The following TBC1D9 variants were observed in gnomAD, a reference collection of about 807,000 sequenced individuals.
TBC1D9 encodes the protein TBC1 domain family member 9.
Under a neutral mutation model 132.0 loss-of-function variants are expected in TBC1D9, and 63 were observed. That is an observed-to-expected ratio of 0.48 (90% CI 0.39 to 0.59). The LOEUF (loss-of-function observed/expected upper bound fraction) is 0.59. TBC1D9 is among the 20% of genes least tolerant of loss of function. TBC1D9 has a pLI of 0.00. For missense variants in TBC1D9, 1,261 were observed against 1,592.7 expected, an observed-to-expected ratio of 0.79 and a Z score of 3.54; for synonymous variants, 610 against 609.9, an observed-to-expected ratio of 1.00 and a Z score of 0.00.
At chr4:140,656,379 C>A (rs1243625222) in intron 13 of TBC1D9, among the ~76,000 whole-genome samples, 2 of 152,084 alleles carry the variant, frequency 1.3e-5, no homozygotes, top group African/African-American at 2.4e-5. Context: ...AATAAATAAT[C>A]AAAACAGATA....
intron 1 of TBC1D9, among the ~76,000 whole-genome samples, chr4:140,714,601 C>T (rs1355108766): frequency 6.6e-6 from 1 of 152,112 alleles, no homozygotes; most frequent in Non-Finnish European, 1.5e-5. Context: ...CTCTTCAGAC[C>T]TTTACAAGGT....
At chr4:140,642,507 C>T in intron 13 of TBC1D9, 3 of 1,150,758 alleles carry the variant, frequency 2.6e-6, no homozygotes, top group Middle Eastern at 3.9e-4. Flanking sequence ...TGTCTGAAAA[C>T]TTGAAGGGTG....
intron 1 of TBC1D9, among the ~76,000 whole-genome samples, chr4:140,717,773 C>T (rs1306412414): frequency 1.3e-5 from 2 of 152,118 alleles, no homozygotes; most frequent in African/African-American, 4.8e-5. Flanking sequence ...TCTCAGGGTT[C>T]CCACTGGGTA....
At chr4:140,726,285 C>T (rs1738500089) in intron 1 of TBC1D9, among the ~76,000 whole-genome samples, 1 of 151,542 alleles carries the variant, frequency 6.6e-6, no homozygotes, top group Admixed American at 6.6e-5. Context: ...TGAGACTCCG[C>T]CTCAGAAAAA....
chr4:140,662,384 C>T (rs1180402182), intron 9 of TBC1D9, among the ~76,000 whole-genome samples: 1 of 152,124 alleles, frequency 6.6e-6, no homozygotes, highest in Non-Finnish European at 1.5e-5. Flanking sequence ...TGAGGAACTC[C>T]CACAGACAGT....
chr4:140,735,852 G>A (rs1009365094), intron 1 of TBC1D9, among the ~76,000 whole-genome samples: 12 of 152,212 alleles, frequency 7.9e-5, no homozygotes, highest in African/African-American at 2.7e-4. Context: ...ACAACAACAA[G>A]AGATAAGAGC....
chr4:140,638,414 C>T (rs1194887549), intron 15 of TBC1D9, among the ~76,000 whole-genome samples: 1 of 150,998 alleles, frequency 6.6e-6, no homozygotes, highest in South Asian at 2.1e-4. Flanking sequence ...TGGCTCACAC[C>T]TGTAATCCCA....
chr4:140,699,472 T>C (rs889097206), intron 2 of TBC1D9, among the ~76,000 whole-genome samples: 1 of 152,224 alleles, frequency 6.6e-6, no homozygotes, highest in Non-Finnish European at 1.5e-5. Context: ...AAATGTACAC[T>C]TGGCATGGTG....
intron 3 of TBC1D9, among the ~76,000 whole-genome samples, chr4:140,683,666 T>C (rs1005112831): frequency 2.2e-4 from 33 of 152,292 alleles, no homozygotes; most frequent in African/African-American, 7.9e-4. Flanking sequence ...AACCCCATAA[T>C]AACCAAAGAC....
intron 9 of TBC1D9, among the ~76,000 whole-genome samples, chr4:140,666,015 C>T (rs1485519068): frequency 1.3e-5 from 2 of 152,060 alleles, no homozygotes; most frequent in Non-Finnish European, 2.9e-5. Context: ...ACATTCATAG[C>T]AGCATTATTC....
intron 1 of TBC1D9, among the ~76,000 whole-genome samples, chr4:140,733,814 T>C (rs965207377): frequency 1.3e-5 from 2 of 152,210 alleles, no homozygotes; most frequent in African/African-American, 4.8e-5. Flanking sequence ...GCAATAGTCA[T>C]TCTGTTTCAC....
In TBC1D9 at chr4:140,668,815, C is replaced by T. The variant is rs1408557122; in HGVS notation, c.1588+102G>A. ...TGATGTAGCTTTCAACTGGGGGATG[C>T]ATATTTGAAAGAACCCCTGAGGCAT... On this transcript the variant is annotated intron_variant, in intron 9 of 20. Transcript: ENST00000442267. 1.0e-5 allele frequency: 12 copies of T among 1,189,076 alleles called. No individual in the cohort carries two copies. The East Asian group carries it at 2.4e-4, about 24-fold the overall frequency. 73.7% of individuals were successfully genotyped at this position (1,189,076 alleles called of 1,614,324 possible). A position where few individuals can be genotyped will look rare whatever the true frequency, so the allele number is the denominator to read the frequency against.
chr4:140,679,284 C>T (rs553583211), intron 4 of TBC1D9, 81 bp from the exon 5 acceptor site: 2 of 1,430,882 alleles, frequency 1.4e-6, no homozygotes, highest in African/African-American at 1.4e-5. Flanking sequence ...AACCCCACTC[C>T]CCCATCCCAC....
intron 1 of TBC1D9, among the ~76,000 whole-genome samples, chr4:140,717,873 C>A (rs1292415247): frequency 6.6e-6 from 1 of 152,184 alleles, no homozygotes; most frequent in Non-Finnish European, 1.5e-5. Context: ...CAGGTCACAA[C>A]TTCCCAGTGG....
chr4:140,658,779 C>T (rs1035083610), intron 11 of TBC1D9, among the ~76,000 whole-genome samples: 1 of 151,606 alleles, frequency 6.6e-6, no homozygotes, highest in Non-Finnish European at 1.5e-5. Flanking sequence ...CCACTGTACT[C>T]CAACCTGGGC....
At chr4:140,721,458 T>A (rs1578855830) in intron 1 of TBC1D9, among the ~76,000 whole-genome samples, 1 of 152,136 alleles carries the variant, frequency 6.6e-6, no homozygotes, top group African/African-American at 2.4e-5. Context: ...AAGTGGCAGC[T>A]CCAGTCATTG....
intron 13 of TBC1D9, among the ~76,000 whole-genome samples, chr4:140,656,463 GC>G (rs1737273963): frequency 6.6e-6 from 1 of 152,016 alleles, no homozygotes; most frequent in African/African-American, 2.4e-5. Context: ...ATCTTCCTGC[GC>G]CCAGCTATCA....
intron 13 of TBC1D9, among the ~76,000 whole-genome samples, chr4:140,649,779 A>G (rs185105501): frequency 6.2e-4 from 94 of 152,248 alleles, no homozygotes; most frequent in Non-Finnish European, 1.1e-3. Flanking sequence ...AAACAAGGAT[A>G]TGAATTCAGG....
In TBC1D9 at chr4:140,622,005, T is replaced by A. The variant is rs1315008210; in HGVS notation, c.*190A>T. The A allele has an allele frequency of 8.2e-6, 6 of 733,252 alleles. No individual in the cohort carries two copies. The Admixed American group carries it at 2.1e-4, about 26-fold the overall frequency. 45.4% of individuals were successfully genotyped at this position (733,252 alleles called of 1,614,324 possible). A position where few individuals can be genotyped will look rare whatever the true frequency, so the allele number is the denominator to read the frequency against. On this transcript the variant is annotated 3_prime_UTR_variant, in exon 21 of 21. Coordinates refer to ENST00000442267, the MANE Select transcript of TBC1D9 (RefSeq NM_015130.3). Reference sequence around the variant, plus strand: ...TCCCCTCCCCGCAACAAGAGTGTAATGTACCTACATTGAGGTGTTTAAATA... The same window carrying A: ...TCCCCTCCCCGCAACAAGAGTGTAAAGTACCTACATTGAGGTGTTTAAATA...
Sources: allele counts gnomAD v4.1 joint callset (sites outside exome capture counted in the v4.1 genomes callset), GRCh38; gene constraint gnomAD v4.1.1; transcripts MANE v1.5; gene names NCBI Gene and HGNC (gene_info 2026-07-23, HGNC 2026-07-21).